TRPC7: variants seen among roughly 807,000 people sequenced by gnomAD.
The protein encoded by TRPC7 is short transient receptor potential channel 7.
TRPC7 carries 42 observed loss-of-function variants against 90.1 expected under a neutral mutation model. The observed-to-expected ratio is 0.47, with a 90% CI of 0.36 to 0.60. The LOEUF (loss-of-function observed/expected upper bound fraction) is 0.60, where lower values mean the gene tolerates loss of function less well. Ranked by LOEUF, TRPC7 falls within the 20% of genes least tolerant of loss-of-function variation. TRPC7 has a pLI of 0.00. For synonymous variants in TRPC7, 451 were observed against 436.3 expected, an observed-to-expected ratio of 1.03 and a Z score of -0.42; for missense variants, 955 against 1,112.3, an observed-to-expected ratio of 0.86 and a Z score of 2.01.
intron 2 of TRPC7, among the ~76,000 whole-genome samples, chr5:136,343,280 A>T (rs1467338454): frequency 6.6e-6 from 1 of 152,196 alleles, no homozygotes; most frequent in Non-Finnish European, 1.5e-5. Context: ...AGACAAATAT[A>T]ACTGATGTTG....
At chr5:136,293,749 C>A (rs867752193) in intron 3 of TRPC7, among the ~76,000 whole-genome samples, 4,211 of 152,148 alleles carry the variant, frequency 0.028, 89 homozygotes, top group African/African-American at 0.052. Flanking sequence ...CCATCCCCAT[C>A]AAGCTACCAA....
intron 10 of TRPC7, among the ~76,000 whole-genome samples, chr5:136,222,783 G>A (rs1483411119): frequency 6.6e-6 from 1 of 152,276 alleles, no homozygotes; most frequent in East Asian, 1.9e-4. Context: ...TGGTGAGAGA[G>A]GGGGGGCCCT....
chr5:136,222,914 C>T (rs888217264), intron 10 of TRPC7, among the ~76,000 whole-genome samples: 3 of 152,172 alleles, frequency 2.0e-5, no homozygotes, highest in African/African-American at 4.8e-5. Flanking sequence ...GGAGAGTACA[C>T]GTGAGCTAGT....
intron 3 of TRPC7, among the ~76,000 whole-genome samples, chr5:136,285,264 T>C (rs116212162): frequency 1.6e-3 from 249 of 152,242 alleles, no homozygotes; most frequent in African/African-American, 5.7e-3. Flanking sequence ...CAGATATGCA[T>C]AGTGTGGATT....
chr5:136,364,773 C>T lies in TRPC7; in HGVS notation c.2+480G>A, dbSNP rs566418710. Among the ~76,000 whole-genome samples the T allele has an allele frequency of 3.3e-5, 5 of 152,232 alleles. No homozygotes were observed. The South Asian group carries it at 1.0e-3, about 32-fold the overall frequency. On this transcript the variant is annotated intron_variant, in intron 1 of 11. Transcript: ENST00000513104. Reference sequence around the variant, plus strand: ...GTCTAAAGGAGATACATAGCTCAGACCATATTTTCAACAAGAAGAAAAGAA... The same window carrying T: ...GTCTAAAGGAGATACATAGCTCAGATCATATTTTCAACAAGAAGAAAAGAA...
At chr5:136,256,986 G>A (rs991613862) in intron 5 of TRPC7, among the ~76,000 whole-genome samples, 10 of 152,146 alleles carry the variant, frequency 6.6e-5, no homozygotes, top group Non-Finnish European at 1.3e-4. Context: ...AGATGATGCT[G>A]GGAGTAGACA....
intron 7 of TRPC7, among the ~76,000 whole-genome samples, chr5:136,237,466 A>C (rs1215602092): frequency 6.6e-6 from 1 of 152,238 alleles, no homozygotes; most frequent in Non-Finnish European, 1.5e-5. Context: ...AGTCAGCTGA[A>C]TAAACGAATG....
At chr5:136,356,323 C>T (rs915787569) in intron 2 of TRPC7, among the ~76,000 whole-genome samples, 3 of 152,242 alleles carry the variant, frequency 2.0e-5, no homozygotes, top group African/African-American at 7.2e-5. Flanking sequence ...ACATCAGAAC[C>T]ACAACATAAT....
At chr5:136,305,383 C>T (rs1162322999) in intron 3 of TRPC7, among the ~76,000 whole-genome samples, 1 of 152,182 alleles carries the variant, frequency 6.6e-6, no homozygotes, top group African/African-American at 2.4e-5. Flanking sequence ...CAGAACCTCT[C>T]ATTTCCTTTC....
At chr5:136,267,322 C>T (rs1757066691) in intron 4 of TRPC7, among the ~76,000 whole-genome samples, 1 of 152,190 alleles carries the variant, frequency 6.6e-6, no homozygotes, top group Non-Finnish European at 1.5e-5. Flanking sequence ...AGTTGGGACT[C>T]TTCCAGCTCA....
intron 5 of TRPC7, among the ~76,000 whole-genome samples, chr5:136,255,463 A>G (rs552532021): frequency 2.6e-4 from 39 of 152,296 alleles, no homozygotes; most frequent in Middle Eastern, 3.4e-3. Context: ...TTTTCTAGCA[A>G]TAGAGTAATT....
At chr5:136,262,099 TC>T (rs1331120598) in intron 5 of TRPC7, among the ~76,000 whole-genome samples, 3 of 152,214 alleles carry the variant, frequency 2.0e-5, no homozygotes, top group Non-Finnish European at 4.4e-5. Context: ...TGCCACCTCC[TC>T]AAACCAGCCA....
chr5:136,342,209 T>C (rs897034189), intron 2 of TRPC7, among the ~76,000 whole-genome samples: 2 of 152,200 alleles, frequency 1.3e-5, no homozygotes, highest in Non-Finnish European at 2.9e-5. Flanking sequence ...TGAAGCTGCC[T>C]GGGTCCTGCA....
chr5:136,344,789 C>A (rs762938165), intron 2 of TRPC7, among the ~76,000 whole-genome samples: 67 of 152,170 alleles, frequency 4.4e-4, no homozygotes, highest in Non-Finnish European at 1.2e-4. Flanking sequence ...GTGGTAACAA[C>A]AAGTGAGAGG....
intron 3 of TRPC7, among the ~76,000 whole-genome samples, chr5:136,278,721 C>A (rs1757450290): frequency 1.3e-5 from 2 of 152,176 alleles, no homozygotes; most frequent in South Asian, 4.1e-4. Flanking sequence ...GGATTTTGGG[C>A]TACAACTTGG....
At chr5:136,226,276 C>G in intron 8 of TRPC7, 21 bp from the exon 9 acceptor site, 1 of 1,536,408 alleles carries the variant, frequency 6.5e-7, no homozygotes. Context: ...AGGGAAACAA[C>G]AACACACCCT....
chr5:136,341,721 C>T (rs1051744093), intron 2 of TRPC7, among the ~76,000 whole-genome samples: 6 of 152,126 alleles, frequency 3.9e-5, no homozygotes, highest in South Asian at 2.1e-4. Flanking sequence ...GTACAACAGT[C>T]GCTATTCAGG....
At chr5:136,353,886 A>T (rs1760277447) in intron 2 of TRPC7, among the ~76,000 whole-genome samples, 2 of 152,232 alleles carry the variant, frequency 1.3e-5, no homozygotes, top group African/African-American at 4.8e-5. Context: ...ATCATAGTAG[A>T]TGCTTTCAAA....
rs1561698586 is a variant in TRPC7 at position 136,278,659 on chromosome 5, G to T, written c.964-3822C>A. 2.6e-5 allele frequency among the ~76,000 whole-genome samples: 4 copies of T among 152,162 alleles called. No homozygotes were observed. In the South Asian group the frequency reaches 8.3e-4, roughly 32 times the overall value. ...ATTCATACCATCATCTGGAGGGGAT[G>T]CCCCAAGAAAAGAGCCAAGGAGGGA... On this transcript the variant is annotated intron_variant, in intron 3 of 11. Coordinates refer to ENST00000513104, the MANE Select transcript of TRPC7 (RefSeq NM_020389.3).
Sources: allele counts gnomAD v4.1 joint callset (sites outside exome capture counted in the v4.1 genomes callset), GRCh38; gene constraint gnomAD v4.1.1; transcripts MANE v1.5; gene names NCBI Gene and HGNC (gene_info 2026-07-23, HGNC 2026-07-21).